Variants in PTK2 observed in about 807,000 individuals in gnomAD.
The protein encoded by PTK2 is protein tyrosine kinase 2.
PTK2 carries 45 observed loss-of-function variants against 150.1 expected under a neutral mutation model. That is an observed-to-expected ratio of 0.30 (90% CI 0.24 to 0.38). The LOEUF (loss-of-function observed/expected upper bound fraction) is 0.38, where lower values mean the gene tolerates loss of function less well. Among genes scored for constraint, PTK2 ranks in the 10% least tolerant of loss-of-function variants. The pLI, the probability that PTK2 is intolerant of heterozygous loss-of-function variation, is 1.00. For missense variants in PTK2, 919 were observed against 1,307.3 expected, an observed-to-expected ratio of 0.70 and a Z score of 4.58; for synonymous variants, 432 against 449.2, an observed-to-expected ratio of 0.96 and a Z score of 0.48.
At chr8:140,701,891 G>A (rs1028646445) in intron 25 of PTK2, among the ~76,000 whole-genome samples, 1 of 151,756 alleles carries the variant, frequency 6.6e-6, no homozygotes, top group African/African-American at 2.4e-5. Flanking sequence ...CTTTGGGAGG[G>A]TGAGGTGGGT....
intron 1 of PTK2, among the ~76,000 whole-genome samples, chr8:140,994,325 TAACAGCATTTACTAAA>T (rs538650694): frequency 6.6e-6 from 1 of 152,324 alleles, no homozygotes; most frequent in African/African-American, 2.4e-5. Context: ...AAGCTACAAT[TAACAGCATTTACTAAA>T]AAGTTTTTAA....
At chr8:140,734,721 C>T (rs771782345) in intron 22 of PTK2, 7 of 517,444 alleles carry the variant, frequency 1.4e-5, no homozygotes, top group South Asian at 8.5e-5. Flanking sequence ...AGGAGTAATT[C>T]TCTCTTTCGG....
At chr8:140,742,172 T>G (rs539351394) in intron 20 of PTK2, among the ~76,000 whole-genome samples, 1 of 152,242 alleles carries the variant, frequency 6.6e-6, no homozygotes, top group East Asian at 1.9e-4. Flanking sequence ...ACCAAACTAA[T>G]AGATCCAAGG....
At chr8:140,804,818 CT>C (rs2100097372) in intron 10 of PTK2, among the ~76,000 whole-genome samples, 1 of 152,200 alleles carries the variant, frequency 6.6e-6, no homozygotes, top group Admixed American at 6.5e-5. Flanking sequence ...GGGCTCCTGC[CT>C]TTCCCCGGGA....
rs771134803 is a variant in PTK2 at position 140,734,636 on chromosome 8, A to ACT, written c.2030+614_2030+615insAG. 997 of 456,206 alleles carry ACT rather than the reference A, an allele frequency of 2.2e-3. 22 individuals are homozygous for ACT. The Middle Eastern group carries it at 0.07, about 32-fold the overall frequency. The allele number at this position is 456,206 out of a possible 1,614,324, so 28.3% of individuals were successfully genotyped here. A position where few individuals can be genotyped will look rare whatever the true frequency, so the allele number is the denominator to read the frequency against. Reference sequence around the variant, plus strand: ...GGTTTAACAGTACCTGGCACAAAGTAGTAGCCACAAAATGGCACCTGAACA... The same window carrying ACT: ...GGTTTAACAGTACCTGGCACAAAGTACTGTAGCCACAAAATGGCACCTGAACA... On this transcript the variant is annotated intron_variant, in intron 22 of 31. Transcript: ENST00000522684.
chr8:140,997,636 T>C (rs564909401), intron 1 of PTK2, among the ~76,000 whole-genome samples: 11 of 152,240 alleles, frequency 7.2e-5, no homozygotes, highest in African/African-American at 1.9e-4. Context: ...ATCAACAGTA[T>C]TTGACTACGT....
intron 1 of PTK2, among the ~76,000 whole-genome samples, chr8:140,962,877 C>A (rs998846357): frequency 3.3e-5 from 5 of 151,782 alleles, no homozygotes; most frequent in Admixed American, 3.3e-4. Context: ...TGTAGGTCCC[C>A]CCCCCCAACC....
At chr8:140,698,657 C>T (rs189972376) in intron 26 of PTK2, among the ~76,000 whole-genome samples, 4 of 152,174 alleles carry the variant, frequency 2.6e-5, no homozygotes, top group Admixed American at 2.6e-4. Flanking sequence ...ACTCTGTCAC[C>T]CAGGCTGGAG....
At chr8:140,936,977 C>T (rs1386904449) in intron 1 of PTK2, among the ~76,000 whole-genome samples, 1 of 152,006 alleles carries the variant, frequency 6.6e-6, no homozygotes, top group African/African-American at 2.4e-5. Context: ...CCTTTCCATG[C>T]ATCTTAATAG....
chr8:140,659,582 C>A lies in PTK2; in HGVS notation c.3043G>T (p.Glu1015Ter). The change falls in exon 32 of 32, where the codon GAG becomes TAG. Residue 1015 changes from glutamate (E) to a stop codon, truncating the protein, a stop_gained. Coordinates refer to ENST00000522684, the Ensembl canonical transcript of PTK2. LOFTEE classifies it high-confidence loss of function. ...GCAGTCAGCATTTGCTTTTTGTACT[C>A]TTGCTGGAGGCTGGTCATGACATAC... is the stretch of plus-strand genomic sequence containing the variant. The A allele has an allele frequency of 6.2e-7, 1 of 1,614,142 alleles. No individual in the cohort carries two copies. Among genetic ancestry groups the A allele is most frequent in the Non-Finnish European group, 8.5e-7 (1 of 1,180,040 alleles).
chr8:140,814,848 C>T (rs1199897443), intron 10 of PTK2, among the ~76,000 whole-genome samples: 1 of 151,204 alleles, frequency 6.6e-6, no homozygotes, highest in Admixed American at 6.6e-5. Context: ...AATCTCGGCT[C>T]ACTGCAAGCT....
At chr8:140,983,092 A>G (rs1312548154) in intron 1 of PTK2, among the ~76,000 whole-genome samples, 1 of 152,188 alleles carries the variant, frequency 6.6e-6, no homozygotes, top group Non-Finnish European at 1.5e-5. Flanking sequence ...ACAGATGCTT[A>G]TTTTAAAATC....
chr8:140,810,245 AG>A (rs1045095964), intron 10 of PTK2, among the ~76,000 whole-genome samples: 8 of 152,228 alleles, frequency 5.3e-5, no homozygotes, highest in African/African-American at 1.4e-4. Context: ...TGGAGCCCAG[AG>A]GGTTTGGTGC....
rs149582632 is a variant in PTK2, at chr8:140,681,992, A to C, written c.2562+4640T>G. 2.7e-4 allele frequency among the ~76,000 whole-genome samples: 41 copies of C among 152,340 alleles called. No homozygotes were observed. The East Asian group carries it at 6.7e-3, about 25-fold the overall frequency. On this transcript the variant is annotated intron_variant, in intron 27 of 31. Coordinates refer to ENST00000522684, the Ensembl canonical transcript of PTK2. ...TGGAACACTAGGCATAAATAGGTTAAATATAATTGGAATAATCATAAGCTA... is the reference window on the plus strand; with the variant it reads ...TGGAACACTAGGCATAAATAGGTTACATATAATTGGAATAATCATAAGCTA...
At chr8:140,676,765 T>TTAAAAA (rs1230591550) in intron 27 of PTK2, among the ~76,000 whole-genome samples, 1 of 55,580 alleles carries the variant, frequency 1.8e-5, no homozygotes, top group African/African-American at 8.5e-5. Context: ...GTCTCTACTT[T>TTAAAAA]AAAAAAAAAA....
intron 2 of PTK2, among the ~76,000 whole-genome samples, chr8:140,893,462 A>T (rs1217644035): frequency 1.3e-5 from 2 of 152,248 alleles, no homozygotes; most frequent in East Asian, 3.8e-4. Flanking sequence ...TGTTCAGCAT[A>T]AAAAGAAACG....
intron 1 of PTK2, among the ~76,000 whole-genome samples, chr8:140,996,958 G>T (rs760953573): frequency 6.6e-6 from 1 of 152,148 alleles, no homozygotes; most frequent in Non-Finnish European, 1.5e-5. Context: ...ATAGATCTGG[G>T]CTAAGTACAT....
chr8:140,675,124 C>T (rs1263857875), intron 28 of PTK2, among the ~76,000 whole-genome samples: 1 of 148,104 alleles, frequency 6.8e-6, no homozygotes, highest in East Asian at 2.0e-4. Context: ...TACTGCTGTT[C>T]TTACAAAAGA....
intron 16 of PTK2, among the ~76,000 whole-genome samples, chr8:140,756,571 C>T (rs887145778): frequency 7.9e-5 from 12 of 151,478 alleles, no homozygotes; most frequent in Admixed American, 3.9e-4. Context: ...GTGGCACCTG[C>T]CTGTAATCCC....
Sources: gnomAD v4.1 joint callset for allele counts (sites outside exome capture counted in the v4.1 genomes callset) on GRCh38, gnomAD v4.1.1 for gene constraint, MANE v1.5 for transcripts, NCBI Gene and HGNC (gene_info 2026-07-23, HGNC 2026-07-21) for gene names.